Variants in GRIK4 observed in about 807,000 individuals in gnomAD.
GRIK4 encodes glutamate ionotropic receptor kainate type subunit 4.
Under a neutral mutation model 104.9 loss-of-function variants are expected in GRIK4, and 40 were observed. That is an observed-to-expected ratio of 0.38 (90% confidence interval 0.30 to 0.50). The LOEUF (loss-of-function observed/expected upper bound fraction) is 0.50, where lower values mean the gene tolerates loss of function less well. GRIK4 is among the 20% of genes least tolerant of loss of function. The probability of loss-of-function intolerance (pLI) is 0.93; values close to 1 mark genes in which losing one functional copy is unlikely to be tolerated. For synonymous variants in GRIK4, 485 were observed against 524.9 expected (o/e 0.92, Z 1.04); for missense variants, 1,047 against 1,308.1 (o/e 0.80, Z 3.08).
intron 3 of GRIK4, among the ~76,000 whole-genome samples, chr11:120,752,924 A>G (rs575065287): frequency 1.3e-5 from 2 of 152,350 alleles, no homozygotes; most frequent in East Asian, 3.9e-4. Context: ...CGGAGGCAGG[A>G]GAGCACAGCC....
intron 1 of GRIK4, among the ~76,000 whole-genome samples, chr11:120,639,445 T>TATCCCTTGC (rs1465561467): frequency 6.6e-6 from 1 of 152,202 alleles, no homozygotes; most frequent in African/African-American, 2.4e-5. Context: ...TTGGGCTCAC[T>TATCCCTTGC]ATCCCTTGCT....
chr11:120,941,336 G>A (rs1943719199), intron 14 of GRIK4, among the ~76,000 whole-genome samples: 1 of 152,130 alleles, frequency 6.6e-6, no homozygotes. Flanking sequence ...CAACAGGGTA[G>A]AGACCAAGAG....
intron 3 of GRIK4, among the ~76,000 whole-genome samples, chr11:120,792,913 C>A (rs1952429619): frequency 6.6e-6 from 1 of 152,054 alleles, no homozygotes; most frequent in South Asian, 2.1e-4. Flanking sequence ...GAGGCCTCTG[C>A]AAAGACCTTG....
intron 14 of GRIK4, among the ~76,000 whole-genome samples, chr11:120,942,997 AG>A (rs1376825010): frequency 6.6e-6 from 1 of 152,022 alleles, no homozygotes; most frequent in African/African-American, 2.4e-5. Context: ...ATCCTGCCTG[AG>A]TTTCTAGGCT....
chr11:120,807,936 G>T (rs1428737281), intron 4 of GRIK4, among the ~76,000 whole-genome samples: 1 of 152,160 alleles, frequency 6.6e-6, no homozygotes, highest in Non-Finnish European at 1.5e-5. Flanking sequence ...CCAATGAGTG[G>T]CACAGACAGG....
At chr11:120,714,718 A>C (rs1256559483) in intron 3 of GRIK4, among the ~76,000 whole-genome samples, 2 of 152,212 alleles carry the variant, frequency 1.3e-5, no homozygotes, top group Non-Finnish European at 2.9e-5. Context: ...CTCTAGATGA[A>C]GGGGACATGG....
chr11:120,546,777 C>T (rs1242563350), intron 1 of GRIK4, among the ~76,000 whole-genome samples: 1 of 152,172 alleles, frequency 6.6e-6, no homozygotes. Context: ...CCTGAAGTCC[C>T]CTCCCACTGT....
At chr11:120,660,109 C>T (rs1261891590) in intron 2 of GRIK4, among the ~76,000 whole-genome samples, 160 bp from the exon 3 acceptor site, 5 of 152,216 alleles carry the variant, frequency 3.3e-5, no homozygotes, top group Non-Finnish European at 7.3e-5. Flanking sequence ...TGCCCCATGT[C>T]GGTCACAGAG....
intron 8 of GRIK4, among the ~76,000 whole-genome samples, chr11:120,860,846 G>C (rs1311571157): frequency 2.0e-5 from 3 of 152,038 alleles, no homozygotes; most frequent in Admixed American, 6.5e-5. Flanking sequence ...AGTTCCCCTG[G>C]GTCCCATCAC....
chr11:120,914,337 T>C (rs1240061742), intron 13 of GRIK4, among the ~76,000 whole-genome samples: 1 of 152,242 alleles, frequency 6.6e-6, no homozygotes, highest in African/African-American at 2.4e-5. Flanking sequence ...GGCACTGTTC[T>C]GAGCACTTGA....
At chr11:120,675,355 A>G (rs1260689006) in intron 3 of GRIK4, among the ~76,000 whole-genome samples, 1 of 152,196 alleles carries the variant, frequency 6.6e-6, no homozygotes, top group Non-Finnish European at 1.5e-5. Context: ...TCAAGTCTTC[A>G]TAGCCTAGTC....
At chr11:120,733,082 T>G (rs1323839880) in intron 3 of GRIK4, among the ~76,000 whole-genome samples, 1 of 152,208 alleles carries the variant, frequency 6.6e-6, no homozygotes, top group African/African-American at 2.4e-5. Context: ...CTCTTTATCA[T>G]TATATAATGA....
At chr11:120,775,430 A>G (rs1250175481) in intron 3 of GRIK4, among the ~76,000 whole-genome samples, 1 of 152,202 alleles carries the variant, frequency 6.6e-6, no homozygotes, top group African/African-American at 2.4e-5. Flanking sequence ...TTTATCACTG[A>G]TGTGACTTGG....
intron 1 of GRIK4, among the ~76,000 whole-genome samples, chr11:120,563,064 T>C (rs1948260330): frequency 1.3e-5 from 2 of 152,202 alleles, no homozygotes; most frequent in African/African-American, 2.4e-5. Flanking sequence ...AGAACGGGGA[T>C]GGTGAAGTGT....
At chr11:120,871,772 G>A in intron 9 of GRIK4, 1 of 456,394 alleles carries the variant, frequency 2.2e-6, no homozygotes, top group South Asian at 1.5e-5. Context: ...AAAGAAGCAA[G>A]GCAAGGAGGA....
At chr11:120,534,738 T>C (rs1591679717) in intron 1 of GRIK4, among the ~76,000 whole-genome samples, 1 of 152,086 alleles carries the variant, frequency 6.6e-6, no homozygotes, top group African/African-American at 2.4e-5. Context: ...CAGAAGAGCA[T>C]TGGACAGGTC....
chr11:120,643,625 T>C (rs1208185674), intron 1 of GRIK4, among the ~76,000 whole-genome samples: 1 of 152,260 alleles, frequency 6.6e-6, no homozygotes, highest in Admixed American at 6.5e-5. Context: ...CTGACAATAC[T>C]GTTTGCAACT....
At chr11:120,590,130 C>G (rs553075738) in intron 1 of GRIK4, among the ~76,000 whole-genome samples, 1 of 152,224 alleles carries the variant, frequency 6.6e-6, no homozygotes, top group Non-Finnish European at 1.5e-5. Context: ...TTGCCTTTTT[C>G]TTCTTTCTCT....
intron 1 of GRIK4, among the ~76,000 whole-genome samples, chr11:120,616,333 C>T (rs888385873): frequency 1.3e-5 from 2 of 152,126 alleles, no homozygotes; most frequent in African/African-American, 2.4e-5. Context: ...CTAAGAGATC[C>T]GCAGGTGCAC....
Sources: gnomAD v4.1 joint callset for allele counts (sites outside exome capture counted in the v4.1 genomes callset) on GRCh38, gnomAD v4.1.1 for gene constraint, MANE v1.5 for transcripts, NCBI Gene and HGNC (gene_info 2026-07-23, HGNC 2026-07-21) for gene names.